OPCML: variants seen among roughly 807,000 people sequenced by gnomAD.
OPCML encodes the protein opioid binding protein/cell adhesion molecule like.
In OPCML, 13 loss-of-function variants were observed where a neutral mutation model predicts 37.8. That is an observed-to-expected ratio of 0.34 (90% CI 0.22 to 0.55). The LOEUF (loss-of-function observed/expected upper bound fraction) is 0.55, where lower values mean the gene tolerates loss of function less well. Ranked by LOEUF, OPCML falls within the 20% of genes least tolerant of loss-of-function variation. The pLI is 0.91. For missense variants in OPCML, 341 were observed against 435.6 expected (o/e 0.78, Z 1.93); for synonymous variants, 176 against 168.8 (o/e 1.04, Z -0.33).
chr11:133,437,667 C>A, intron 1 of OPCML, among the ~76,000 whole-genome samples: 2 of 132,764 alleles, frequency 1.5e-5, no homozygotes, highest in Non-Finnish European at 1.6e-5. Context: ...TCTCCCCTCT[C>A]AACCCCGCTC....
At chr11:132,869,922 A>G (rs1942729297) in intron 2 of OPCML, among the ~76,000 whole-genome samples, 1 of 152,208 alleles carries the variant, frequency 6.6e-6, no homozygotes, top group South Asian at 2.1e-4. Flanking sequence ...TGTGACAAAA[A>G]ATAATGATCC....
intron 1 of OPCML, among the ~76,000 whole-genome samples, chr11:133,261,564 T>C (rs1036739427): frequency 6.6e-6 from 1 of 152,220 alleles, no homozygotes; most frequent in Non-Finnish European, 1.5e-5. Context: ...CATCCGTCTC[T>C]ACCTTTGGAA....
chr11:133,251,603 A>T (rs890353653), intron 1 of OPCML, among the ~76,000 whole-genome samples: 4 of 152,030 alleles, frequency 2.6e-5, no homozygotes, highest in African/African-American at 9.7e-5. Flanking sequence ...CACGGGGTAC[A>T]GACCTGGAAA....
At chr11:133,524,135 C>T (rs554939536) in intron 1 of OPCML, among the ~76,000 whole-genome samples, 20 of 152,276 alleles carry the variant, frequency 1.3e-4, no homozygotes, top group African/African-American at 4.6e-4. Context: ...CTCAATAAAT[C>T]ACATGTTGAA....
At chr11:132,570,791 A>ATATATATATATC in intron 3 of OPCML, among the ~76,000 whole-genome samples, 1 of 124,504 alleles carries the variant, frequency 8.0e-6, no homozygotes, top group South Asian at 2.7e-4. Flanking sequence ...ATATATATAT[A>ATATATATATATC]TATATATATA....
At chr11:133,060,408 T>C (rs1186943171) in intron 1 of OPCML, among the ~76,000 whole-genome samples, 1 of 152,238 alleles carries the variant, frequency 6.6e-6, no homozygotes, top group Non-Finnish European at 1.5e-5. Context: ...AATAGCCGCA[T>C]GCTGTTACAT....
intron 2 of OPCML, among the ~76,000 whole-genome samples, chr11:132,904,701 G>A (rs1257563670): frequency 2.6e-5 from 4 of 152,176 alleles, no homozygotes; most frequent in Non-Finnish European, 5.9e-5. Flanking sequence ...GCCTGCAGAT[G>A]GCCGTGCACT....
At position 132,729,563 on chromosome 11, in the gene OPCML, C is replaced by T. The variant is rs936076529; in HGVS notation, c.147-72244G>A. On this transcript the variant is annotated intron_variant, in intron 2 of 7. Transcript: ENST00000524381. ...AGGTACATCGTCTGTCTCCTTTGCTCATCCAAGGTTCAGCAGCCACAGTTT... is the reference window on the plus strand; with the variant it reads ...AGGTACATCGTCTGTCTCCTTTGCTTATCCAAGGTTCAGCAGCCACAGTTT... Among the ~76,000 whole-genome samples the T allele has an allele frequency of 1.2e-4, 18 of 152,310 alleles. No individual in the cohort carries two copies. In the South Asian group the frequency reaches 3.7e-3, roughly 32 times the overall value.
At chr11:133,502,400 C>A (rs766546627) in intron 1 of OPCML, among the ~76,000 whole-genome samples, 57 of 152,190 alleles carry the variant, frequency 3.7e-4, no homozygotes, top group Non-Finnish European at 6.6e-4. Context: ...TACACCCCAG[C>A]GTCCTCGTCC....
At chr11:132,644,617 A>T (rs1408183726) in intron 3 of OPCML, among the ~76,000 whole-genome samples, 1 of 152,216 alleles carries the variant, frequency 6.6e-6, no homozygotes, top group East Asian at 1.9e-4. Flanking sequence ...AGCTATATTA[A>T]ATTAAATCCA....
chr11:133,170,402 C>T (rs1477206831), intron 1 of OPCML, among the ~76,000 whole-genome samples: 14 of 152,172 alleles, frequency 9.2e-5, no homozygotes, highest in Admixed American at 5.2e-4. Context: ...AGGAGAATGG[C>T]GTGAACCCAG....
rs1491502170 is a variant in OPCML at position 133,140,879 on chromosome 11, ACG to A, written c.62-197871_62-197870del. ...GAAGAAGACGACGACGACGAAGAAG[ACG>A]ACGACGACGACGAAGACGACGACGA... On this transcript the variant is annotated intron_variant, in intron 1 of 7. Coordinates refer to ENST00000524381, the MANE Select transcript of OPCML (RefSeq NM_001012393.5). 8.9e-3 allele frequency among the ~76,000 whole-genome samples: 218 copies of A among 24,468 alleles called. 30 individuals carry two copies. Among genetic ancestry groups the A allele is most frequent in the African/African-American group, 0.016 (208 of 13,272 alleles). The allele number at this position is 24,468 out of a possible 152,430, so 16.1% of individuals were successfully genotyped here.
At chr11:133,017,608 C>G (rs1947358269) in intron 1 of OPCML, among the ~76,000 whole-genome samples, 1 of 152,106 alleles carries the variant, frequency 6.6e-6, no homozygotes, top group South Asian at 2.1e-4. Flanking sequence ...AGGCTGGTCT[C>G]GAACTCCCGA....
chr11:132,735,233 G>T (rs1289560899), intron 2 of OPCML, among the ~76,000 whole-genome samples: 1 of 152,078 alleles, frequency 6.6e-6, no homozygotes, highest in African/African-American at 2.4e-5. Context: ...GGCAAACTTG[G>T]TATTAGACAT....
chr11:133,190,665 C>CA (rs1938267188), intron 1 of OPCML, among the ~76,000 whole-genome samples: 3 of 152,168 alleles, frequency 2.0e-5, no homozygotes, highest in Non-Finnish European at 4.4e-5. Flanking sequence ...TACAACCACT[C>CA]ATATAATTTC....
intron 1 of OPCML, among the ~76,000 whole-genome samples, chr11:133,459,241 T>C (rs935611494): frequency 6.6e-6 from 1 of 151,598 alleles, no homozygotes; most frequent in African/African-American, 2.4e-5. Context: ...CAAAAGGAAA[T>C]GAGAAGAAAT....
rs1417077489 is a variant in OPCML, at chr11:132,706,763, G to C, written c.147-49444C>G. Among the ~76,000 whole-genome samples, 4 of 152,160 alleles carry C rather than the reference G, an allele frequency of 2.6e-5. No homozygotes were observed. The East Asian group carries it at 7.7e-4, about 29-fold the overall frequency. Reference sequence around the variant, plus strand: ...AGTCAATTTGAGGTGTCTGACCCTGGTAAACTGGTAGTGTGCCCACATAAC... The same window carrying C: ...AGTCAATTTGAGGTGTCTGACCCTGCTAAACTGGTAGTGTGCCCACATAAC... On this transcript the variant is annotated intron_variant, in intron 2 of 7. Transcript: ENST00000524381.
chr11:132,625,934 T>C (rs1939714526), intron 3 of OPCML, among the ~76,000 whole-genome samples: 2 of 152,124 alleles, frequency 1.3e-5, no homozygotes, highest in Admixed American at 6.6e-5. Context: ...CCATGCATAT[T>C]GGCCACATCT....
chr11:132,442,788 T>C (rs770569458), intron 4 of OPCML, among the ~76,000 whole-genome samples: 1 of 152,158 alleles, frequency 6.6e-6, no homozygotes, highest in Non-Finnish European at 1.5e-5. Flanking sequence ...CCTGCTGCCA[T>C]GTAAGATGTC....
Sources: gnomAD v4.1 joint callset for allele counts (sites outside exome capture counted in the v4.1 genomes callset) on GRCh38, gnomAD v4.1.1 for gene constraint, MANE v1.5 for transcripts, NCBI Gene and HGNC (gene_info 2026-07-23, HGNC 2026-07-21) for gene names.